Variants in HHLA2 observed in about 807,000 individuals in gnomAD.
The protein encoded by HHLA2 is HERV-H LTR-associating protein 2.
HHLA2 carries 48 observed loss-of-function variants against 45.9 expected under a neutral mutation model. That is an observed-to-expected ratio of 1.05 (90% CI 0.83 to 1.33). The LOEUF (loss-of-function observed/expected upper bound fraction) is 1.33. Ranked by LOEUF, HHLA2 falls within the 40% of genes most tolerant of loss-of-function variation. HHLA2 has a pLI of 0.00. For missense variants in HHLA2, 462 were observed against 494.3 expected (o/e 0.93, Z 0.62); for synonymous variants, 161 against 173.9 (o/e 0.93, Z 0.59).
intron 2 of HHLA2, among the ~76,000 whole-genome samples, chr3:108,322,704 A>G (rs1190749357): frequency 1.3e-5 from 2 of 152,126 alleles, no homozygotes; most frequent in Non-Finnish European, 2.9e-5. Context: ...TTGTCCCACT[A>G]TGTTTAGAAA....
chr3:108,359,594 T>TAA (rs2081954659), intron 7 of HHLA2, among the ~76,000 whole-genome samples: 1 of 152,224 alleles, frequency 6.6e-6, no homozygotes, highest in African/African-American at 2.4e-5. Context: ...TAATCCTTGC[T>TAA]AAGTTCTGCT....
exon 11 of HHLA2, chr3:108,377,356 A>T: frequency 9.6e-7 from 1 of 1,039,972 alleles, no homozygotes; most frequent in Non-Finnish European, 1.5e-6. Flanking sequence ...TCTTCACCAC[A>T]ATTCCAGGCA....
intron 2 of HHLA2, among the ~76,000 whole-genome samples, chr3:108,316,878 G>C (rs2081112021): frequency 6.6e-6 from 1 of 152,106 alleles, no homozygotes; most frequent in Non-Finnish European, 1.5e-5. Context: ...AAAAAGCTGT[G>C]AACATTGGTC....
At chr3:108,328,933 A>G (rs1576125215) in intron 3 of HHLA2, among the ~76,000 whole-genome samples, 1 of 152,170 alleles carries the variant, frequency 6.6e-6, no homozygotes, top group Admixed American at 6.5e-5. Context: ...AGCAGCAAGT[A>G]TGAAGAAATT....
At chr3:108,340,899 T>C (rs1256622383) in intron 3 of HHLA2, among the ~76,000 whole-genome samples, 529 of 16,836 alleles carry the variant, frequency 0.031, 2 homozygotes, top group Non-Finnish European at 0.069. Context: ...TCTTTTCTTT[T>C]TTTTTTTTTT....
At chr3:108,311,162 G>A (rs2081012186) in intron 2 of HHLA2, among the ~76,000 whole-genome samples, 1 of 152,130 alleles carries the variant, frequency 6.6e-6, no homozygotes, top group Non-Finnish European at 1.5e-5. Flanking sequence ...CAACACCTGG[G>A]AAGCTTGTCT....
exon 11 of HHLA2, chr3:108,377,551 C>T: frequency 2.4e-6 from 1 of 412,722 alleles, no homozygotes; most frequent in Non-Finnish European, 4.5e-6. Flanking sequence ...CATTCATTTA[C>T]ATTTCTGTTA....
At chr3:108,355,242 C>T in exon 6 of HHLA2, 1 of 1,613,874 alleles carries the variant, frequency 6.2e-7, no homozygotes, top group Non-Finnish European at 8.5e-7. Flanking sequence ...TCTCTGAAAA[C>T]AACATGGAAG....
At chr3:108,355,418 T>G in intron 6 of HHLA2, 37 bp downstream of exon 5, 1 of 1,580,692 alleles carries the variant, frequency 6.3e-7, no homozygotes, top group Non-Finnish European at 8.6e-7. Flanking sequence ...CACGTGCTGT[T>G]TCAAAGTTGG....
At chr3:108,330,193 A>G (rs1479642290) in intron 3 of HHLA2, among the ~76,000 whole-genome samples, 1 of 152,152 alleles carries the variant, frequency 6.6e-6, no homozygotes, top group South Asian at 2.1e-4. Flanking sequence ...GAAGTGACAT[A>G]TCATAATTTC....
At position 108,370,054 on chromosome 3, in the gene HHLA2, G is replaced by A. The variant is rs1034451011; in HGVS notation, c.1109-5696G>A. Among the ~76,000 whole-genome samples, 17 of 152,316 alleles carry A rather than the reference G, an allele frequency of 1.1e-4. 1 individual carries two copies. Among genetic ancestry groups the A allele is most frequent in the Non-Finnish European group, 7.4e-5 (5 of 68,016 alleles). On this transcript the variant is annotated intron_variant, in intron 8 of 10. Transcript: ENST00000619531. Reference sequence around the variant, plus strand: ...GACCCCCGAGTGGCCTAACTGGGGGGAACCCCCAGTAGGGGCGGACTCACA... The same window carrying A: ...GACCCCCGAGTGGCCTAACTGGGGGAAACCCCCAGTAGGGGCGGACTCACA...
intron 7 of HHLA2, among the ~76,000 whole-genome samples, chr3:108,360,797 A>T (rs1170886265): frequency 1.3e-5 from 2 of 152,238 alleles, no homozygotes; most frequent in African/African-American, 4.8e-5. Context: ...ATGGGTAACT[A>T]AAACCTCAGA....
At chr3:108,323,041 C>CT (rs2081231245) in intron 2 of HHLA2, among the ~76,000 whole-genome samples, 2 of 150,492 alleles carry the variant, frequency 1.3e-5, no homozygotes, top group Admixed American at 1.3e-4. Flanking sequence ...TTTTTGCTGA[C>CT]TTTTTTGTTT....
exon 8 of HHLA2, chr3:108,362,429 G>A (rs776277059): frequency 1.2e-6 from 2 of 1,609,890 alleles, no homozygotes; most frequent in Middle Eastern, 1.6e-4. Context: ...CTGATTTGGA[G>A]CGTAAAATGT....
At chr3:108,353,672 G>A (rs761040628) in exon 5 of HHLA2, 23 of 1,613,586 alleles carry the variant, frequency 1.4e-5, no homozygotes, top group Non-Finnish European at 1.9e-5. Context: ...AAATGGGAAT[G>A]CGTCGCTATT....
intron 10 of HHLA2, 172 bp from the exon 10 acceptor site, chr3:108,377,086 G>A (rs921210791): frequency 3.4e-6 from 2 of 583,212 alleles, no homozygotes; most frequent in Middle Eastern, 4.5e-4. Context: ...TAACTGATAA[G>A]ACTCAGACTT....
chr3:108,300,546 T>G (rs1057126369), intron 1 of HHLA2, among the ~76,000 whole-genome samples: 2 of 152,208 alleles, frequency 1.3e-5, no homozygotes, highest in Non-Finnish European at 2.9e-5. Context: ...GCTTCTCTCC[T>G]TAATAAGAAG....
intron 10 of HHLA2, 61 bp from the exon 10 acceptor site, chr3:108,377,197 A>C: frequency 1.8e-6 from 2 of 1,124,070 alleles, no homozygotes; most frequent in South Asian, 2.6e-5. Flanking sequence ...AATATTTAAG[A>C]TATAAATGGT....
At chr3:108,354,969 G>T (rs1400101652) in intron 5 of HHLA2, 146 bp from the exon 5 acceptor site, 20 of 747,548 alleles carry the variant, frequency 2.7e-5, no homozygotes, top group Non-Finnish European at 4.0e-5. Context: ...GTGTTTGTTG[G>T]TTTGTTTTCC....
Sources: gnomAD v4.1 joint callset for allele counts (sites outside exome capture counted in the v4.1 genomes callset) on GRCh38, gnomAD v4.1.1 for gene constraint, MANE v1.5 for transcripts, NCBI Gene and HGNC (gene_info 2026-07-23, HGNC 2026-07-21) for gene names.